The following USH2A variants were observed in gnomAD, a reference collection of about 807,000 sequenced individuals.
USH2A encodes the protein Usher syndrome 2A (autosomal recessive, mild).
Under a neutral mutation model 538.9 loss-of-function variants are expected in USH2A, and 443 were observed. That is an observed-to-expected ratio of 0.82 (90% CI 0.76 to 0.89). The LOEUF (loss-of-function observed/expected upper bound fraction) is 0.89. Ranked by LOEUF, USH2A falls within the 40% of genes least tolerant of loss-of-function variation. The pLI is 0.00. For synonymous variants in USH2A, 2,413 were observed against 2,273.5 expected, an observed-to-expected ratio of 1.06 and a Z score of -1.75; for missense variants, 6,633 against 6,324.8, an observed-to-expected ratio of 1.05 and a Z score of -1.65.
chr1:216,295,174 T>C (rs943623809), intron 9 of USH2A, among the ~76,000 whole-genome samples: 1 of 151,744 alleles, frequency 6.6e-6, no homozygotes, highest in Non-Finnish European at 1.5e-5. Flanking sequence ...AAGAAGAAAT[T>C]GCTACTTCAA....
At chr1:216,393,322 G>A (rs1433169229) in intron 3 of USH2A, among the ~76,000 whole-genome samples, 5 of 152,162 alleles carry the variant, frequency 3.3e-5, no homozygotes, top group Non-Finnish European at 7.3e-5. Flanking sequence ...TTATTTTTCA[G>A]CAAATGTATG....
intron 58 of USH2A, among the ~76,000 whole-genome samples, chr1:215,744,827 G>A (rs183285602): frequency 2.0e-3 from 309 of 152,284 alleles, no homozygotes; most frequent in Non-Finnish European, 3.7e-3. Context: ...AAATTTGGCA[G>A]CTTAGACTGA....
chr1:215,832,984 A>G (rs534579146), intron 47 of USH2A, among the ~76,000 whole-genome samples: 1 of 152,048 alleles, frequency 6.6e-6, no homozygotes, highest in African/African-American at 2.4e-5. Flanking sequence ...CAAATAAGTA[A>G]TTAGGTATAA....
intron 38 of USH2A, among the ~76,000 whole-genome samples, chr1:215,914,459 T>C (rs576831867): frequency 6.6e-6 from 1 of 152,246 alleles, no homozygotes; most frequent in Admixed American, 6.5e-5. Flanking sequence ...CTATGTACAG[T>C]AATCCCACCA....
chr1:215,804,999 C>G (rs1466633043), intron 49 of USH2A, among the ~76,000 whole-genome samples: 1 of 152,004 alleles, frequency 6.6e-6, no homozygotes, highest in Non-Finnish European at 1.5e-5. Context: ...ATGGATGAAG[C>G]TGGAAACCGT....
intron 38 of USH2A, among the ~76,000 whole-genome samples, chr1:215,926,231 A>C (rs1666234685): frequency 7.0e-6 from 1 of 142,156 alleles, no homozygotes. Flanking sequence ...AAAAAAAAAA[A>C]AATACCATTC....
intron 71 of USH2A, among the ~76,000 whole-genome samples, chr1:215,627,030 A>G (rs1656050524): frequency 6.6e-6 from 1 of 152,224 alleles, no homozygotes; most frequent in Non-Finnish European, 1.5e-5. Context: ...ACAACATCAA[A>G]CAGCCTGTGA....
At chr1:216,275,113 A>G (rs998590390) in intron 11 of USH2A, among the ~76,000 whole-genome samples, 8 of 152,116 alleles carry the variant, frequency 5.3e-5, no homozygotes, top group South Asian at 4.1e-4. Flanking sequence ...TCAAAGGGGT[A>G]TAATTTCCCA....
chr1:215,906,492 A>C (rs1665643469), intron 38 of USH2A, among the ~76,000 whole-genome samples: 1 of 152,046 alleles, frequency 6.6e-6, no homozygotes, highest in South Asian at 2.1e-4. Flanking sequence ...TCTTAATTTT[A>C]CACCCTGAAA....
chr1:216,041,488 C>G (rs927428322), intron 32 of USH2A, among the ~76,000 whole-genome samples: 1 of 152,000 alleles, frequency 6.6e-6, no homozygotes, highest in Non-Finnish European at 1.5e-5. Flanking sequence ...CTGGCAAACC[C>G]TACGGGAAGA....
At chr1:216,051,347 C>T (rs2030778088) in intron 30 of USH2A, among the ~76,000 whole-genome samples, 1 of 152,174 alleles carries the variant, frequency 6.6e-6, no homozygotes, top group African/African-American at 2.4e-5. Context: ...TTCATTTTTC[C>T]ATTTTGTAAT....
intron 22 of USH2A, among the ~76,000 whole-genome samples, chr1:216,092,514 A>G (rs2032325792): frequency 6.6e-6 from 1 of 152,256 alleles, no homozygotes; most frequent in African/African-American, 2.4e-5. Flanking sequence ...CTAACTTCAT[A>G]CAAGAAGCTG....
chr1:216,285,315 C>T (rs1432242887), intron 11 of USH2A, among the ~76,000 whole-genome samples: 3 of 152,228 alleles, frequency 2.0e-5, no homozygotes, highest in African/African-American at 7.2e-5. Flanking sequence ...GATCAACATA[C>T]AGCTCAGACT....
Position 216,226,215 on chromosome 1 carries a change from C to T in USH2A, c.2993+5738G>A, listed in dbSNP as rs116471145. Among the ~76,000 whole-genome samples, 605 of 152,254 alleles carry T rather than the reference C, an allele frequency of 4.0e-3. 3 individuals carry two copies. The highest frequency in any genetic ancestry group is 0.014 in the African/African-American group (587 of 41,534). ...AACATATAATATGGAGCTAATTCCC[C>T]CATGTTCCATGTGGATATAAAATGA... On this transcript the variant is annotated intron_variant, in intron 14 of 71. Transcript: ENST00000307340.
At chr1:215,902,303 T>G (rs1247796568) in intron 38 of USH2A, among the ~76,000 whole-genome samples, 1 of 152,192 alleles carries the variant, frequency 6.6e-6, no homozygotes, top group African/African-American at 2.4e-5. Context: ...CTGTGAACAA[T>G]GAGGCTAATG....
chr1:216,049,247 T>C (rs1350814785), intron 30 of USH2A, among the ~76,000 whole-genome samples: 1 of 152,234 alleles, frequency 6.6e-6, no homozygotes, highest in Admixed American at 6.5e-5. Flanking sequence ...TTTGTACTTC[T>C]ACTTGCAAAA....
At chr1:216,001,292 A>G (rs1027598570) in intron 32 of USH2A, among the ~76,000 whole-genome samples, 2 of 152,120 alleles carry the variant, frequency 1.3e-5, no homozygotes, top group African/African-American at 4.8e-5. Context: ...TAGGTTTTGA[A>G]TATGTGTGTT....
intron 3 of USH2A, among the ~76,000 whole-genome samples, chr1:216,401,711 T>C (rs189212239): frequency 1.3e-5 from 2 of 152,154 alleles, no homozygotes; most frequent in East Asian, 3.9e-4. Flanking sequence ...AAGAGGGACA[T>C]TACATAATGA....
chr1:216,246,544 A>G, intron 13 of USH2A, 41 bp downstream of exon 13: 2 of 1,613,216 alleles, frequency 1.2e-6, no homozygotes, highest in African/African-American at 1.3e-5. Flanking sequence ...AACAAAAGGA[A>G]TGTCATTGTG....
Sources: allele counts gnomAD v4.1 joint callset (sites outside exome capture counted in the v4.1 genomes callset), GRCh38; gene constraint gnomAD v4.1.1; transcripts MANE v1.5; gene names NCBI Gene and HGNC (gene_info 2026-07-23, HGNC 2026-07-21).